CFLAR: variants seen among roughly 807,000 people sequenced by gnomAD.
CFLAR encodes CASP8 and FADD-like apoptosis regulator.
Under a neutral mutation model 51.1 loss-of-function variants are expected in CFLAR, and 14 were observed. The observed-to-expected ratio is 0.27, with a 90% CI of 0.18 to 0.43. The LOEUF (loss-of-function observed/expected upper bound fraction) is 0.43. Among genes scored for constraint, CFLAR ranks in the 20% least tolerant of loss-of-function variants. The pLI, the probability that CFLAR is intolerant of heterozygous loss-of-function variation, is 1.00. For missense variants in CFLAR, 390 were observed against 566.5 expected, an observed-to-expected ratio of 0.69 and a Z score of 3.16; for synonymous variants, 210 against 211.6, an observed-to-expected ratio of 0.99 and a Z score of 0.06.
Position 201,133,016 on chromosome 2 carries a change from G to T in CFLAR, c.282-13G>T, listed in dbSNP as rs750104735. The stretch of plus-strand genomic sequence containing the variant: ...ATGTCTGAATTAACTAAATGAACTT[G>T]TCTGGTTTGCAGAGTGCTGATGGCA... On this transcript the variant is annotated splice_polypyrimidine_tract_variant and intron_variant, in intron 2 of 9. Coordinates refer to ENST00000309955, the MANE Select transcript of CFLAR (RefSeq NM_003879.7). The T allele has an allele frequency of 3.7e-6, 6 of 1,606,698 alleles. No homozygotes were observed. The highest frequency in any genetic ancestry group is 3.3e-5 in the Admixed American group (2 of 59,958).
chr2:201,129,520 T>C (rs1335421610), intron 1 of CFLAR: 1 of 399,508 alleles, frequency 2.5e-6, no homozygotes, highest in African/African-American at 2.1e-5. Context: ...TCCTTTACAA[T>C]GTAGGTTTTC....
At chr2:201,156,413 G>A (rs752584932) in intron 8 of CFLAR, among the ~76,000 whole-genome samples, 15 of 152,138 alleles carry the variant, frequency 9.9e-5, no homozygotes, top group South Asian at 2.1e-4. Flanking sequence ...GTGCTCTATA[G>A]CAGTTAACAC....
chr2:201,157,951 G>C (rs933621984), intron 8 of CFLAR: 3 of 152,250 alleles, frequency 2.0e-5, no homozygotes, highest in Non-Finnish European at 4.4e-5. Flanking sequence ...GGATATTTAA[G>C]CAATGCTGTG....
chr2:201,145,971 C>CT (rs547118436), intron 6 of CFLAR, among the ~76,000 whole-genome samples: 4,958 of 145,446 alleles, frequency 0.034, 105 homozygotes, highest in Non-Finnish European at 0.053. Context: ...AAAGATTACT[C>CT]TTTTTTTTTT....
intron 8 of CFLAR, among the ~76,000 whole-genome samples, chr2:201,156,123 A>C (rs1214658621): frequency 1.3e-5 from 2 of 152,224 alleles, no homozygotes; most frequent in African/African-American, 4.8e-5. Context: ...ATTGAAGTAC[A>C]TCATATATTT....
intron 1 of CFLAR, among the ~76,000 whole-genome samples, chr2:201,127,734 C>T (rs1306317039): frequency 6.6e-6 from 1 of 152,120 alleles, no homozygotes; most frequent in Non-Finnish European, 1.5e-5. Context: ...CTGTAGTTTC[C>T]TTTTGATATT....
At position 201,149,911 on chromosome 2, in the gene CFLAR, T is replaced by G. The variant is rs990364981; in HGVS notation, c.793+76T>G. The G allele has an allele frequency of 5.7e-5, 63 of 1,105,862 alleles. No homozygotes were observed. In the Admixed American group the frequency reaches 1.1e-3, roughly 19 times the overall value. 68.5% of individuals were successfully genotyped at this position (1,105,862 alleles called of 1,614,324 possible). On this transcript the variant is annotated intron_variant, in intron 8 of 9. Transcript: ENST00000309955. Reference sequence around the variant, plus strand: ...CACAGGCAAGCTGTATTCATTGGAGTGATCAGCACCAACTGCCGTGACAAA... The same window carrying G: ...CACAGGCAAGCTGTATTCATTGGAGGGATCAGCACCAACTGCCGTGACAAA...
At chr2:201,129,652 G>A (rs1387221969) in intron 1 of CFLAR, 77 bp from the exon 2 acceptor site, 1 of 533,552 alleles carries the variant, frequency 1.9e-6, no homozygotes, top group Non-Finnish European at 3.3e-6. Context: ...CCACCCAGAA[G>A]GAAAGAGCCC....
chr2:201,151,457 A>G (rs1941266753), intron 8 of CFLAR, among the ~76,000 whole-genome samples: 1 of 152,236 alleles, frequency 6.6e-6, no homozygotes, highest in African/African-American at 2.4e-5. Context: ...AAAGGCTAAG[A>G]GAAGGTCAAA....
rs373353302 is a variant in CFLAR, at chr2:201,160,597, G to A, written c.959G>A (p.Ser320Asn). The A allele has an allele frequency of 2.7e-5, 43 of 1,613,972 alleles. No homozygotes were observed. Among genetic ancestry groups the A allele is most frequent in the African/African-American group, 4.0e-5 (3 of 74,892 alleles). The part of the protein sequence containing the change: ...CVLVSRGGSQ[S>N]VYGVDQTHSG... ...CTGGTGAGCCGAGGAGGCTCCCAGA[G>A]TGTGTATGGTGTGGATCAGACTCAC... is the stretch of plus-strand genomic sequence containing the variant. Residue 320 changes from serine (S) to asparagine (N), a missense_variant, in exon 9 of 10, where the codon AGT becomes AAT. Transcript: ENST00000309955.
chr2:201,117,982 T>C (rs373507262), intron 1 of CFLAR, among the ~76,000 whole-genome samples: 2 of 152,052 alleles, frequency 1.3e-5, no homozygotes, highest in Non-Finnish European at 2.9e-5. Flanking sequence ...CTCGAACTCC[T>C]GACCTTAGGT....
At position 201,165,241 on chromosome 2, in the gene CFLAR, C is replaced by CTTATTATTATTATTA. The variant is rs66478558; in HGVS notation, c.*1301_*1315dup. 1.4e-5 allele frequency: 2 copies of CTTATTATTATTATTA among 140,876 alleles called. No individual in the cohort carries two copies. The highest frequency in any genetic ancestry group is 7.2e-5 in the Admixed American group (1 of 13,876). The allele number at this position is 140,876 out of a possible 1,614,324, so 8.7% of individuals were successfully genotyped here. ...ATTGTTTGAAATATCATTAGAGTTG[C>CTTATTATTATTATTA]TTATTATTATTATTATTATTATTAT... On this transcript the variant is annotated 3_prime_UTR_variant, in exon 10 of 10. Coordinates refer to ENST00000309955, the MANE Select transcript of CFLAR (RefSeq NM_003879.7).
chr2:201,154,568 G>A (rs1464080304), intron 8 of CFLAR: 1 of 152,228 alleles, frequency 6.6e-6, no homozygotes, highest in East Asian at 1.9e-4. Flanking sequence ...TGGGTCTCCA[G>A]TACCTGGAAG....
Position 201,145,385 on chromosome 2 carries a change from A to G in CFLAR, c.614A>G (p.Asn205Ser). Residue 205 changes from asparagine to serine, a missense_variant, in exon 6 of 10, where the codon AAT becomes AGT. By Grantham distance (46) the Asn-to-Ser change is conservative. Coordinates refer to ENST00000309955, the MANE Select transcript of CFLAR (RefSeq NM_003879.7). ...TATTCTTTGTATTTGAAGCTCCATA[A>G]TGGGAGAAGTAAAGAACAAAGACTT... ...KDPSNNFRLH[N>S]GRSKEQRLKE... 1.2e-6 allele frequency: 2 copies of G among 1,603,478 alleles called. No individual in the cohort carries two copies. Among genetic ancestry groups the G allele is most frequent in the Non-Finnish European group, 1.7e-6 (2 of 1,170,924 alleles).
intron 4 of CFLAR, 191 bp from the exon 5 acceptor site, chr2:201,140,166 A>C: frequency 1.1e-5 from 5 of 451,794 alleles, no homozygotes; most frequent in South Asian, 5.0e-5. Context: ...GGGGCGGGCC[A>C]GGGCGCCCTA....
intron 9 of CFLAR, chr2:201,163,075 C>A: frequency 4.0e-6 from 3 of 753,370 alleles, no homozygotes; most frequent in East Asian, 2.4e-5. Context: ...ACTAGATGTC[C>A]TATAGGATGG....
At position 201,169,843 on chromosome 2, in the gene CFLAR, A is replaced by G. The variant is rs1320452313; in HGVS notation, c.*5870A>G. ...GAAGACATTTATGTGGCCAACAAACATATAAAAAAAAGCTCAACCTTACTG... is the reference window on the plus strand; with the variant it reads ...GAAGACATTTATGTGGCCAACAAACGTATAAAAAAAAGCTCAACCTTACTG... On this transcript the variant is annotated 3_prime_UTR_variant, in exon 10 of 10. Transcript: ENST00000309955. 6.6e-6 allele frequency: 1 copy of G among 151,668 alleles called. No homozygotes were observed. Among genetic ancestry groups the G allele is most frequent in the Non-Finnish European group, 1.5e-5 (1 of 68,036 alleles). The allele number at this position is 151,668 out of a possible 1,614,324, so 9.4% of individuals were successfully genotyped here.
intron 5 of CFLAR, chr2:201,141,516 T>C (rs1208988661): frequency 6.2e-6 from 9 of 1,440,056 alleles, no homozygotes; most frequent in African/African-American, 1.4e-5. Context: ...TGTTTAGCCC[T>C]TTCTTGTTGC....
chr2:201,151,174 T>TAGAAGAG (rs1941221343), intron 8 of CFLAR: 1 of 152,222 alleles, frequency 6.6e-6, no homozygotes, highest in African/African-American at 2.4e-5. Context: ...CAGTCTCTTC[T>TAGAAGAG]ATCTGCGCGT....
Sources: gnomAD v4.1 joint callset for allele counts (sites outside exome capture counted in the v4.1 genomes callset) on GRCh38, gnomAD v4.1.1 for gene constraint, MANE v1.5 for transcripts, NCBI Gene and HGNC (gene_info 2026-07-23, HGNC 2026-07-21) for gene names.